SHANK2: variants seen among roughly 807,000 people sequenced by gnomAD.
SHANK2 encodes SH3 and multiple ankyrin repeat domains 2.
SHANK2 carries 43 observed loss-of-function variants against 133.7 expected under a neutral mutation model. That is an observed-to-expected ratio of 0.32 (90% CI 0.25 to 0.41). The LOEUF (loss-of-function observed/expected upper bound fraction) is 0.41. Among genes scored for constraint, SHANK2 ranks in the 10% least tolerant of loss-of-function variants. The pLI is 1.00. For synonymous variants in SHANK2, 1,017 were observed against 952.8 expected (o/e 1.07, Z -1.24); for missense variants, 1,994 against 2,235.8 (o/e 0.89, Z 2.18).
intron 17 of SHANK2, among the ~76,000 whole-genome samples, chr11:70,518,538 A>C (rs1490573848): frequency 6.6e-6 from 1 of 152,216 alleles, no homozygotes; most frequent in African/African-American, 2.4e-5. Flanking sequence ...AAGCCTTTTT[A>C]CATCTCTAGG....
intron 17 of SHANK2, among the ~76,000 whole-genome samples, chr11:70,536,476 A>C (rs1554974216): frequency 6.6e-6 from 1 of 152,084 alleles, no homozygotes; most frequent in South Asian, 2.1e-4. Context: ...CATGAGGCCC[A>C]GCTGTGGCCT....
chr11:70,814,310 G>A (rs1948342165), intron 12 of SHANK2, among the ~76,000 whole-genome samples: 2 of 150,368 alleles, frequency 1.3e-5, no homozygotes, highest in Non-Finnish European at 3.0e-5. Flanking sequence ...GGTGACAAGA[G>A]TGAGACTCTG....
At chr11:70,559,668 G>A (rs984938089) in intron 17 of SHANK2, among the ~76,000 whole-genome samples, 1 of 152,056 alleles carries the variant, frequency 6.6e-6, no homozygotes, top group East Asian at 1.9e-4. Context: ...CATCTGCATC[G>A]ATCATTTTCA....
At chr11:70,787,155 G>T (rs1419018394) in intron 14 of SHANK2, among the ~76,000 whole-genome samples, 2 of 101,978 alleles carry the variant, frequency 2.0e-5, no homozygotes, top group African/African-American at 8.0e-5. Flanking sequence ...ACCACCACCA[G>T]CATCACCACC....
intron 17 of SHANK2, among the ~76,000 whole-genome samples, chr11:70,658,226 C>CACACACACACACACACACAG (rs2061431125): frequency 1.7e-5 from 2 of 115,056 alleles, no homozygotes; most frequent in African/African-American, 6.7e-5. Context: ...CACACACACA[C>CACACACACACACACACACAG]ACACACACAC....
At chr11:70,599,334 G>A (rs557953557) in intron 17 of SHANK2, among the ~76,000 whole-genome samples, 19 of 152,106 alleles carry the variant, frequency 1.2e-4, no homozygotes, top group Admixed American at 3.3e-4. Context: ...TAGGCAGGGC[G>A]CAGTGGCTCA....
chr11:70,545,764 G>A (rs1554976215), intron 17 of SHANK2, among the ~76,000 whole-genome samples: 3 of 152,176 alleles, frequency 2.0e-5, no homozygotes, highest in Non-Finnish European at 4.4e-5. Context: ...CAGACCCTGC[G>A]GGCGAAGGGC....
intron 15 of SHANK2, chr11:70,668,175 C>G (rs575955783): frequency 6.6e-6 from 1 of 152,202 alleles, no homozygotes. Flanking sequence ...TTCCTAACCC[C>G]CAGCGTCTGT....
intron 14 of SHANK2, among the ~76,000 whole-genome samples, chr11:70,727,263 C>A (rs1946197190): frequency 6.6e-6 from 1 of 152,196 alleles, no homozygotes; most frequent in Non-Finnish European, 1.5e-5. Flanking sequence ...TTTTAAAGTG[C>A]AAGGTAGCCG....
intron 11 of SHANK2, among the ~76,000 whole-genome samples, chr11:70,870,157 G>A (rs144968046): frequency 1.8e-3 from 267 of 152,264 alleles, no homozygotes; most frequent in South Asian, 4.6e-3. Flanking sequence ...GTTTGAGGAT[G>A]AGCACAGCAG....
intron 12 of SHANK2, among the ~76,000 whole-genome samples, chr11:70,818,472 C>T (rs1555054977): frequency 2.6e-5 from 4 of 152,190 alleles, no homozygotes; most frequent in African/African-American, 9.7e-5. Context: ...AGCTCAAGTC[C>T]CTGGCCACGC....
At chr11:70,550,939 G>A (rs748927305) in intron 17 of SHANK2, among the ~76,000 whole-genome samples, 4 of 152,186 alleles carry the variant, frequency 2.6e-5, no homozygotes, top group Non-Finnish European at 5.9e-5. Context: ...GAGCAGACAC[G>A]TGTGGACCCA....
chr11:70,848,384 C>A (rs1202143108), intron 11 of SHANK2, among the ~76,000 whole-genome samples: 3 of 152,146 alleles, frequency 2.0e-5, no homozygotes, highest in African/African-American at 7.2e-5. Context: ...ATCAACCCAC[C>A]CGTTCCCGCC....
intron 14 of SHANK2, among the ~76,000 whole-genome samples, chr11:70,767,984 C>T (rs944038035): frequency 2.6e-5 from 4 of 151,970 alleles, no homozygotes; most frequent in Non-Finnish European, 5.9e-5. Context: ...TGCAGGGATC[C>T]GTGCAGAAAG....
intron 11 of SHANK2, among the ~76,000 whole-genome samples, chr11:70,861,064 A>G (rs1555067707): frequency 6.6e-6 from 1 of 152,182 alleles, no homozygotes; most frequent in African/African-American, 2.4e-5. Context: ...GGAGGGAAGC[A>G]TTCCGACCTG....
At chr11:70,488,844 C>T (rs2058847867) in intron 24 of SHANK2, among the ~76,000 whole-genome samples, 1 of 152,162 alleles carries the variant, frequency 6.6e-6, no homozygotes, top group Admixed American at 6.5e-5. Flanking sequence ...CAGCTGAGGT[C>T]CTACGACAGC....
chr11:70,691,155 A>G (rs1189062215), intron 15 of SHANK2, among the ~76,000 whole-genome samples: 1 of 152,102 alleles, frequency 6.6e-6, no homozygotes, highest in Non-Finnish European at 1.5e-5. Context: ...TTCACTGAGA[A>G]TGGATGAGGG....
At chr11:71,219,505 C>T (rs782771222) in intron 2 of SHANK2, among the ~76,000 whole-genome samples, 4 of 152,124 alleles carry the variant, frequency 2.6e-5, no homozygotes, top group Admixed American at 2.0e-4. Context: ...ACATGCTCCA[C>T]ATCACTAATC....
chr11:70,872,277 T>C (rs952616621), intron 11 of SHANK2: 3 of 154,700 alleles, frequency 1.9e-5, no homozygotes, highest in Non-Finnish European at 4.4e-5. Context: ...CAGATCCACA[T>C]TGAAGGTAGG....
Sources: allele counts gnomAD v4.1 joint callset (sites outside exome capture counted in the v4.1 genomes callset), GRCh38; gene constraint gnomAD v4.1.1; transcripts MANE v1.5; gene names NCBI Gene and HGNC (gene_info 2026-07-23, HGNC 2026-07-21).